Variants in CFAP276 observed in about 807,000 individuals in gnomAD.
The protein encoded by CFAP276 is cilia- and flagella-associated protein 276.
At chr1:109,108,128 C>A in the CFAP276 span, 1 of 925,528 alleles carries the variant, frequency 1.1e-6, no homozygotes, top group Non-Finnish European at 1.7e-6. Context: ...TTATTCCATC[C>A]AGTTTTGTGT....
the CFAP276 span, among the ~76,000 whole-genome samples, chr1:109,111,474 A>G: frequency 6.7e-6 from 1 of 148,410 alleles, no homozygotes; most frequent in Non-Finnish European, 1.5e-5. Context: ...CCCTGTCTCA[A>G]AAAAAAAAAA....
chr1:109,109,471 G>C, the CFAP276 span, among the ~76,000 whole-genome samples: 1 of 147,856 alleles, frequency 6.8e-6, no homozygotes, highest in Non-Finnish European at 1.5e-5. Context: ...ACTCTCATTA[G>C]ACCTATCCAA....
the CFAP276 span, chr1:109,108,026 A>G: frequency 1.4e-6 from 2 of 1,451,744 alleles, no homozygotes; most frequent in African/African-American, 1.4e-5. Flanking sequence ...TTGGGTTCTT[A>G]TATGGCAATT....
the CFAP276 span, among the ~76,000 whole-genome samples, chr1:109,111,347 G>A: frequency 6.6e-6 from 1 of 152,108 alleles, no homozygotes; most frequent in Non-Finnish European, 1.5e-5. Context: ...GGCATCACCT[G>A]TAGTCCCAGC....
At chr1:109,112,753 C>A in the CFAP276 span, 4 of 1,531,186 alleles carry the variant, frequency 2.6e-6, no homozygotes, top group Non-Finnish European at 2.6e-6. Flanking sequence ...GGCATAAGAT[C>A]CCGGGTCCCA....
the CFAP276 span, chr1:109,112,773 A>G: frequency 6.6e-7 from 1 of 1,505,776 alleles, no homozygotes; most frequent in Non-Finnish European, 8.9e-7. Flanking sequence ...AATTGTTTGG[A>G]GCGCTGGTTT....
At chr1:109,113,413 AGAAAGAGAGAGAGAGAGAG>A in the CFAP276 span, among the ~76,000 whole-genome samples, 1 of 113,456 alleles carries the variant, frequency 8.8e-6, no homozygotes. Context: ...AGAGAGAGAG[AGAAAGAGAGAGAGAGAGAG>A]AGAGAGAGAG....
the CFAP276 span, chr1:109,106,791 A>C: frequency 8.6e-7 from 1 of 1,161,520 alleles, no homozygotes. Flanking sequence ...GGATTAACCA[A>C]AGATTTTGTT....
At chr1:109,107,272 TATG>T in the CFAP276 span, 1 of 637,458 alleles carries the variant, frequency 1.6e-6, no homozygotes, top group African/African-American at 1.8e-5. Flanking sequence ...AATTGTTGTA[TATG>T]ATAACTCTTG....
At chr1:109,106,169 T>G in the CFAP276 span, 1 of 1,317,364 alleles carries the variant, frequency 7.6e-7, no homozygotes, top group Non-Finnish European at 1.1e-6. Flanking sequence ...ACTTTAAACA[T>G]CAATACATTT....
At chr1:109,113,828 T>G in the CFAP276 span, 1 of 786,032 alleles carries the variant, frequency 1.3e-6, no homozygotes, top group African/African-American at 1.8e-5. Flanking sequence ...CGGGCCTGCC[T>G]GTTGGGCCGG....
the CFAP276 span, among the ~76,000 whole-genome samples, chr1:109,109,499 C>T: frequency 6.6e-6 from 1 of 150,786 alleles, no homozygotes; most frequent in East Asian, 2.0e-4. Context: ...ATCCTCCTTC[C>T]CCACAATATG....
chr1:109,108,040 G>A, the CFAP276 span: 2 of 1,447,606 alleles, frequency 1.4e-6, no homozygotes, highest in Non-Finnish European at 1.9e-6. Flanking sequence ...GGCAATTTCT[G>A]CAAAAGAGAA....
the CFAP276 span, chr1:109,112,902 A>G: frequency 1.6e-6 from 1 of 616,740 alleles, no homozygotes; most frequent in Non-Finnish European, 2.5e-6. Context: ...TGCAGAGGGA[A>G]CGTTCCGCTG....
At chr1:109,108,048 G>A in the CFAP276 span, 3 of 1,454,826 alleles carry the variant, frequency 2.1e-6, no homozygotes, top group Non-Finnish European at 1.9e-6. Flanking sequence ...CTGCAAAAGA[G>A]AAACCGTATC....
At chr1:109,113,451 A>AGAGAGAGAGAGAGAGAGAGAGT in the CFAP276 span, among the ~76,000 whole-genome samples, 1 of 120,386 alleles carries the variant, frequency 8.3e-6, no homozygotes, top group East Asian at 3.5e-4. Flanking sequence ...AGAGAGAGAG[A>AGAGAGAGAGAGAGAGAGAGAGT]GAGAGAGAGA....
the CFAP276 span, chr1:109,106,535 C>A: frequency 1.9e-6 from 3 of 1,613,808 alleles, no homozygotes; most frequent in Non-Finnish European, 1.7e-6. Flanking sequence ...TAACCCTTAC[C>A]TATGGATCCT....
the CFAP276 span, chr1:109,107,076 T>C: frequency 3.7e-6 from 6 of 1,614,174 alleles, no homozygotes; most frequent in Non-Finnish European, 5.1e-6. Flanking sequence ...CCCAGTGTGG[T>C]GGTTGTACAA....
chr1:109,110,821 G>T, the CFAP276 span, among the ~76,000 whole-genome samples: 1 of 152,124 alleles, frequency 6.6e-6, no homozygotes, highest in Non-Finnish European at 1.5e-5. Context: ...CTACATAGTT[G>T]ATGTTTCTCA....
Sources: allele counts gnomAD v4.1 joint callset (sites outside exome capture counted in the v4.1 genomes callset), GRCh38; gene constraint gnomAD v4.1.1; transcripts MANE v1.5; gene names NCBI Gene and HGNC (gene_info 2026-07-23, HGNC 2026-07-21).